Variants in MARCHF1 observed in about 807,000 individuals in gnomAD.
MARCHF1 encodes E3 ubiquitin-protein ligase MARCHF1.
In MARCHF1, 40 loss-of-function variants were observed where a neutral mutation model predicts 54.2. That is an observed-to-expected ratio of 0.74 (90% CI 0.57 to 0.96). MARCHF1 has a LOEUF of 0.96. Among genes scored for constraint, MARCHF1 ranks in the 40% least tolerant of loss-of-function variants. MARCHF1 has a pLI of 0.00. For synonymous variants in MARCHF1, 236 were observed against 236.3 expected (o/e 1.00, Z 0.01); for missense variants, 586 against 656.5 (o/e 0.89, Z 1.17).
chr4:163,975,761 A>T (rs1436299158), intron 3 of MARCHF1, among the ~76,000 whole-genome samples: 3 of 152,216 alleles, frequency 2.0e-5, no homozygotes, highest in African/African-American at 7.2e-5. Context: ...TCTGAGAATC[A>T]TAAGGGCCTT....
intron 4 of MARCHF1, among the ~76,000 whole-genome samples, chr4:163,701,421 T>C (rs1185056039): frequency 1.3e-5 from 2 of 152,176 alleles, no homozygotes; most frequent in African/African-American, 4.8e-5. Context: ...TTAAAACTTT[T>C]ATAAATATTT....
chr4:163,816,360 A>T (rs916324357), intron 4 of MARCHF1, among the ~76,000 whole-genome samples: 4 of 137,660 alleles, frequency 2.9e-5, no homozygotes, highest in African/African-American at 1.0e-4. Context: ...ATATTAGATG[A>T]GTGAAATAGT....
chr4:164,132,484 A>G (rs1272477889), intron 1 of MARCHF1, among the ~76,000 whole-genome samples: 1 of 152,190 alleles, frequency 6.6e-6, no homozygotes, highest in Non-Finnish European at 1.5e-5. Flanking sequence ...GCATTACCTC[A>G]AAAAGTAAAA....
chr4:164,177,806 G>GACACAC (rs3059817), intron 1 of MARCHF1, among the ~76,000 whole-genome samples: 58 of 149,312 alleles, frequency 3.9e-4, no homozygotes, highest in African/African-American at 1.3e-3. Context: ...GTATGAAAGA[G>GACACAC]ACACACACAC....
At chr4:163,959,105 A>G (rs923583491) in intron 3 of MARCHF1, among the ~76,000 whole-genome samples, 1 of 152,004 alleles carries the variant, frequency 6.6e-6, no homozygotes, top group Admixed American at 6.6e-5. Context: ...TCTACCATAC[A>G]CAGTACCACA....
chr4:163,805,102 C>G (rs945649171), intron 4 of MARCHF1, among the ~76,000 whole-genome samples: 6 of 152,040 alleles, frequency 3.9e-5, no homozygotes, highest in African/African-American at 1.4e-4. Context: ...TATGTACCCA[C>G]ATGTTTTAAG....
In MARCHF1 at chr4:163,846,436, T is replaced by C. The variant is rs373623160; in HGVS notation, c.111+7585A>G. On this transcript the variant is annotated intron_variant, in intron 4 of 9. Coordinates refer to ENST00000514618, the MANE Select transcript of MARCHF1 (RefSeq NM_001394959.1). ...GGTCCATTTGCTGTAGGTGGATGTA[T>C]GATTTCCTTTAACCTTGTAATAGAC... Among the ~76,000 whole-genome samples the C allele has an allele frequency of 1.3e-4, 20 of 152,312 alleles. No individual in the cohort carries two copies. In the South Asian group the frequency reaches 3.9e-3, roughly 30 times the overall value.
At chr4:163,818,356 C>A (rs2111042905) in intron 4 of MARCHF1, among the ~76,000 whole-genome samples, 1 of 152,110 alleles carries the variant, frequency 6.6e-6, no homozygotes, top group African/African-American at 2.4e-5. Context: ...CACCTATCAA[C>A]CCATCACCTA....
intron 5 of MARCHF1, among the ~76,000 whole-genome samples, chr4:163,674,694 T>A (rs971187676): frequency 6.6e-6 from 1 of 152,184 alleles, no homozygotes; most frequent in Non-Finnish European, 1.5e-5. Context: ...AATGCCACTA[T>A]GGGTTAAACT....
intron 1 of MARCHF1, among the ~76,000 whole-genome samples, chr4:164,149,144 C>T (rs1560928157): frequency 6.6e-6 from 1 of 152,168 alleles, no homozygotes; most frequent in Non-Finnish European, 1.5e-5. Flanking sequence ...GCCAGCTCCC[C>T]TTTTGCCTTT....
At chr4:164,287,205 G>C (rs1734173282) in intron 1 of MARCHF1, among the ~76,000 whole-genome samples, 1 of 150,762 alleles carries the variant, frequency 6.6e-6, no homozygotes, top group South Asian at 2.1e-4. Context: ...TTGTCTCTCA[G>C]GTCAAGGCTT....
chr4:164,174,344 A>G (rs770378455), intron 1 of MARCHF1, among the ~76,000 whole-genome samples: 1 of 152,204 alleles, frequency 6.6e-6, no homozygotes, highest in Non-Finnish European at 1.5e-5. Context: ...CAGGGCTTAA[A>G]AGTGAGCATT....
intron 1 of MARCHF1, among the ~76,000 whole-genome samples, chr4:164,360,054 T>G (rs1193708525): frequency 6.6e-6 from 1 of 152,064 alleles, no homozygotes; most frequent in African/African-American, 2.4e-5. Flanking sequence ...GGGCAGGTAT[T>G]GCACACCTAT....
intron 9 of MARCHF1, among the ~76,000 whole-genome samples, chr4:163,542,752 T>C (rs543129344): frequency 1.3e-5 from 2 of 152,204 alleles, no homozygotes; most frequent in Admixed American, 6.5e-5. Flanking sequence ...GTTAAAAATA[T>C]GCATTTCTAG....
chr4:163,723,265 T>G (rs1269632000), intron 4 of MARCHF1, among the ~76,000 whole-genome samples: 1 of 152,206 alleles, frequency 6.6e-6, no homozygotes, highest in Non-Finnish European at 1.5e-5. Flanking sequence ...AAGGATTTTA[T>G]TTCTCCTTCA....
At chr4:163,851,186 G>C (rs1749632580) in intron 4 of MARCHF1, among the ~76,000 whole-genome samples, 1 of 152,158 alleles carries the variant, frequency 6.6e-6, no homozygotes, top group South Asian at 2.1e-4. Flanking sequence ...TTCAAACATG[G>C]TTAAGTAGAA....
chr4:163,873,458 G>T (rs1750223136), intron 3 of MARCHF1, among the ~76,000 whole-genome samples: 1 of 152,152 alleles, frequency 6.6e-6, no homozygotes, highest in South Asian at 2.1e-4. Flanking sequence ...GTTTATCTCA[G>T]CCTCATTTAA....
At chr4:164,010,010 T>C (rs1363025327) in intron 2 of MARCHF1, among the ~76,000 whole-genome samples, 1 of 151,640 alleles carries the variant, frequency 6.6e-6, no homozygotes, top group African/African-American at 2.4e-5. Flanking sequence ...TTATCCTTGT[T>C]TGAGTATATT....
At chr4:163,692,716 A>G (rs1744504225) in intron 5 of MARCHF1, among the ~76,000 whole-genome samples, 1 of 151,308 alleles carries the variant, frequency 6.6e-6, no homozygotes, top group Non-Finnish European at 1.5e-5. Flanking sequence ...TGAAAAATAG[A>G]CTTAAAAAAT....
Sources: allele counts gnomAD v4.1 joint callset (sites outside exome capture counted in the v4.1 genomes callset), GRCh38; gene constraint gnomAD v4.1.1; transcripts MANE v1.5; gene names NCBI Gene and HGNC (gene_info 2026-07-23, HGNC 2026-07-21).